SLC6A16: variants seen among roughly 807,000 people sequenced by gnomAD.
SLC6A16 encodes the protein orphan sodium- and chloride-dependent neurotransmitter transporter NTT5.
SLC6A16 carries 54 observed loss-of-function variants against 65.4 expected under a neutral mutation model. The observed-to-expected ratio is 0.83, with a 90% CI of 0.66 to 1.04. The LOEUF is 1.04. SLC6A16 is among the 50% of genes least tolerant of loss of function. The pLI is 0.00. For synonymous variants in SLC6A16, 330 were observed against 346.5 expected (o/e 0.95, Z 0.53); for missense variants, 816 against 914.0 (o/e 0.89, Z 1.38).
At chr19:49,324,661 G>A (rs1326036192) in intron 1 of SLC6A16, among the ~76,000 whole-genome samples, 3 of 152,214 alleles carry the variant, frequency 2.0e-5, no homozygotes, top group Non-Finnish European at 2.9e-5. Context: ...AGGAGCTGGT[G>A]TCCCATTTCT....
chr19:49,308,223 C>T (rs969450540), intron 7 of SLC6A16, among the ~76,000 whole-genome samples: 1 of 152,010 alleles, frequency 6.6e-6, no homozygotes, highest in Non-Finnish European at 1.5e-5. Flanking sequence ...GAGGCTGAGG[C>T]GGGCGGATTA....
At chr19:49,340,305 A>C in the SLC6A16 span, 2 of 1,613,662 alleles carry the variant, frequency 1.2e-6, no homozygotes, top group Non-Finnish European at 1.7e-6. Context: ...CCACGTCTAC[A>C]ACCGGCTCGC....
At chr19:49,322,039 C>T (rs372417206) in intron 1 of SLC6A16, among the ~76,000 whole-genome samples, 3 of 152,134 alleles carry the variant, frequency 2.0e-5, no homozygotes, top group Admixed American at 6.5e-5. Context: ...TAGAAACAAG[C>T]GTAGAATGTC....
chr19:49,295,250 C>G (rs552575080), intron 7 of SLC6A16, among the ~76,000 whole-genome samples: 2 of 151,956 alleles, frequency 1.3e-5, no homozygotes, highest in South Asian at 4.2e-4. Context: ...CATGGTGGCA[C>G]GTGCCTGTAG....
chr19:49,310,627 A>C, intron 2 of SLC6A16, 117 bp from the exon 3 acceptor site: 1 of 1,109,562 alleles, frequency 9.0e-7, no homozygotes, highest in Non-Finnish European at 1.3e-6. Context: ...CACAGGCATC[A>C]GGGCTCACCC....
the SLC6A16 span, chr19:49,336,893 C>T: frequency 7.4e-6 from 12 of 1,613,322 alleles, no homozygotes; most frequent in Non-Finnish European, 1.0e-5. Flanking sequence ...ATCATCACTC[C>T]CCTCACCTCT....
chr19:49,294,405 C>T lies in SLC6A16; in HGVS notation c.1378G>A (p.Glu460Lys), dbSNP rs774774111. The change falls in exon 8 of 12, where the codon GAG becomes AAG. Residue 460 changes from glutamate (E) to lysine (K), a missense_variant. By Grantham distance (56) the Glu-to-Lys change is moderately conservative. Coordinates refer to ENST00000335875, the MANE Select transcript of SLC6A16 (RefSeq NM_014037.3). ...PQHIKSMVLREVTECNIETQF... is the reference protein window; with the variant it reads ...PQHIKSMVLRKVTECNIETQF... ...GTCTCTATGTTGCACTCAGTCACCT[C>T]GCGGAGAACCATGCTTTTGATGTGC... 9 of 1,614,120 alleles carry T rather than the reference C, an allele frequency of 5.6e-6. No homozygotes were observed. The highest frequency in any genetic ancestry group is 1.3e-5 in the African/African-American group (1 of 75,012).
intron 1 of SLC6A16, among the ~76,000 whole-genome samples, chr19:49,319,795 A>T (rs1970679605): frequency 6.6e-6 from 1 of 152,150 alleles, no homozygotes; most frequent in African/African-American, 2.4e-5. Context: ...ATTTTCCAGG[A>T]GAGACCACAA....
intron 1 of SLC6A16, among the ~76,000 whole-genome samples, chr19:49,320,638 G>A (rs897029006): frequency 5.9e-5 from 9 of 151,936 alleles, no homozygotes; most frequent in African/African-American, 2.2e-4. Flanking sequence ...AAGAAAAAAA[G>A]AGAAGACTCA....
chr19:49,311,335 C>A lies in SLC6A16; in HGVS notation c.13G>T (p.Ala5Ser). 6.3e-7 allele frequency: 1 copy of A among 1,583,168 alleles called. No homozygotes were observed. Residue 5 changes from alanine (A) to serine (S), a missense_variant, in exon 2 of 12, where the codon GCC becomes TCC. Transcript: ENST00000335875. ...GCCAGCAAGGATGTCGAAGGCTGGGCCTCTGTCTTCATCTCACACAGACTC... is the reference window on the plus strand; with the variant it reads ...GCCAGCAAGGATGTCGAAGGCTGGGACTCTGTCTTCATCTCACACAGACTC... MKTE[A>S]QPSTSLLANT...
In SLC6A16 at chr19:49,311,314, G is replaced by C; in HGVS notation, c.34C>G (p.Leu12Val). ...KTEAQPSTSL[L>V]ANTSWTGTVI... The stretch of plus-strand genomic sequence containing the variant: ...GTGCCAGTCCATGAGGTGTTTGCCA[G>C]CAAGGATGTCGAAGGCTGGGCCTCT... Residue 12 changes from leucine to valine, a missense_variant, in exon 2 of 12, where the codon CTG becomes GTG. Coordinates refer to ENST00000335875, the MANE Select transcript of SLC6A16 (RefSeq NM_014037.3). 1 of 1,600,584 alleles carries C rather than the reference G, an allele frequency of 6.2e-7. No individual in the cohort carries two copies.
intron 7 of SLC6A16, among the ~76,000 whole-genome samples, chr19:49,297,932 G>A (rs1198141125): frequency 1.3e-5 from 2 of 152,106 alleles, no homozygotes; most frequent in African/African-American, 4.8e-5. Context: ...ATTGGGGCCA[G>A]GAGTGAGAGG....
At position 49,320,091 on chromosome 19, in the gene SLC6A16, A is replaced by G. The variant is rs576316149; in HGVS notation, c.-65+4957T>C. On this transcript the variant is annotated intron_variant, in intron 1 of 11. Transcript: ENST00000335875. The stretch of plus-strand genomic sequence containing the variant: ...AAAAGCAATGCCAAGGGGGAAATTT[A>G]TAACTATCAATGGTTACATTAAAAA... Among the ~76,000 whole-genome samples the G allele has an allele frequency of 1.4e-4, 22 of 152,288 alleles. No homozygotes were observed. In the South Asian group the frequency reaches 3.7e-3, roughly 26 times the overall value.
intron 5 of SLC6A16, 52 bp downstream of exon 5, chr19:49,309,599 G>C: frequency 6.5e-7 from 1 of 1,535,418 alleles, no homozygotes; most frequent in East Asian, 2.3e-5. Context: ...ACAAATTGAG[G>C]TAAGGGCTAA....
At chr19:49,300,923 G>A (rs1232241672) in intron 7 of SLC6A16, among the ~76,000 whole-genome samples, 1 of 151,980 alleles carries the variant, frequency 6.6e-6, no homozygotes, top group Non-Finnish European at 1.5e-5. Context: ...ATGGTGGCAC[G>A]TTCCTGTAAT....
intron 7 of SLC6A16, 115 bp downstream of exon 7, chr19:49,308,761 G>C (rs745923587): frequency 1.5e-6 from 2 of 1,314,110 alleles, no homozygotes. Flanking sequence ...GGGCTTGCAA[G>C]TGCACCCAAG....
the SLC6A16 span, chr19:49,331,532 T>C: frequency 2.9e-6 from 1 of 350,088 alleles, no homozygotes. Flanking sequence ...GTATTCTATT[T>C]GTAGTTGTTA....
At chr19:49,338,628 T>C in the SLC6A16 span, 1 of 1,141,790 alleles carries the variant, frequency 8.8e-7, no homozygotes, top group Middle Eastern at 1.9e-4. The surrounding 1 kb of genome is among the most constrained non-coding windows in gnomAD (Gnocchi z 5.0). Flanking sequence ...CTCATACCCA[T>C]CACCTTGTCC....
rs1234750191 is a variant in SLC6A16, at chr19:49,310,917, T to C, written c.415+16A>G. Reference sequence around the variant, plus strand: ...TTGCCCCTTGTGGACCCAGGTTTCCTGGTCCCCAGACTTACAGCCTCCACT... The same window carrying C: ...TTGCCCCTTGTGGACCCAGGTTTCCCGGTCCCCAGACTTACAGCCTCCACT... On this transcript the variant is annotated intron_variant, in intron 2 of 11. Transcript: ENST00000335875. 3 of 1,591,520 alleles carry C rather than the reference T, an allele frequency of 1.9e-6. No individual in the cohort carries two copies. Among genetic ancestry groups the C allele is most frequent in the African/African-American group, 2.7e-5 (2 of 74,202 alleles).
Sources: allele counts gnomAD v4.1 joint callset (sites outside exome capture counted in the v4.1 genomes callset), GRCh38; gene constraint gnomAD v4.1.1; non-coding constraint Gnocchi (gnomAD v3.1); transcripts MANE v1.5; gene names NCBI Gene and HGNC (gene_info 2026-07-23, HGNC 2026-07-21).